The following RAB33A variants were observed in gnomAD, a reference collection of about 807,000 sequenced individuals.
The protein encoded by RAB33A is RAB33A, member RAS oncogene family, also known as ras-related protein Rab-33A.
Under a neutral mutation model 12.0 loss-of-function variants are expected in RAB33A, and 6 were observed. The observed-to-expected ratio is 0.50, with a 90% CI of 0.27 to 0.99. The LOEUF (loss-of-function observed/expected upper bound fraction) is 0.99, where lower values mean the gene tolerates loss of function less well. RAB33A is among the 50% of genes least tolerant of loss of function. The probability of loss-of-function intolerance (pLI) is 0.11; values close to 1 mark genes in which losing one functional copy is unlikely to be tolerated. For missense variants in RAB33A, 109 were observed against 192.0 expected, an observed-to-expected ratio of 0.57 and a Z score of 2.55; for synonymous variants, 70 against 82.4, an observed-to-expected ratio of 0.85 and a Z score of 0.81.
At chrX:130,112,206 C>CA in the RAB33A span, among the ~76,000 whole-genome samples, 1 of 112,106 alleles carries the variant, frequency 8.9e-6, no homozygotes, top group Non-Finnish European at 1.9e-5. Flanking sequence ...CCTGGATACT[C>CA]AGAATCAAGT....
At chrX:130,150,977 C>CAAAAAAAAAAAAAAAAAAA in the RAB33A span, among the ~76,000 whole-genome samples, 7 of 27,799 alleles carry the variant, frequency 2.5e-4, no homozygotes, top group African/African-American at 8.9e-4. Context: ...GACTCTGTCT[C>CAAAAAAAAAAAAAAAAAAA]AAAAAAAAAA....
chrX:130,172,342 A>T lies in RAB33A; in HGVS notation c.258+22A>T, dbSNP rs891366345. 3.4e-6 allele frequency: 4 copies of T among 1,181,013 alleles called. No homozygotes were observed. The African/African-American group carries it at 7.1e-5, about 21-fold the overall frequency. On this transcript the variant is annotated intron_variant, in intron 1 of 1. Transcript: ENST00000257017. The stretch of plus-strand genomic sequence containing the variant: ...CAAGGTGATCCAGGGGGTCAGGTCC[A>T]GGAAGGGTGGGACCCGGGAGGGGAC...
chrX:130,138,413 C>T, the RAB33A span, among the ~76,000 whole-genome samples: 7 of 108,926 alleles, frequency 6.4e-5, no homozygotes, highest in South Asian at 3.9e-4. Flanking sequence ...TGCAGTGAGC[C>T]GAGATCGCGC....
chrX:130,127,853 C>T, the RAB33A span, among the ~76,000 whole-genome samples: 2 of 109,092 alleles, frequency 1.8e-5, no homozygotes, highest in African/African-American at 6.7e-5. Context: ...CCATGCCTGG[C>T]GAATTTTTGT....
the RAB33A span, among the ~76,000 whole-genome samples, chrX:130,111,343 C>G: frequency 8.9e-6 from 1 of 112,790 alleles, no homozygotes; most frequent in Non-Finnish European, 1.9e-5. Context: ...GGGAAGGTTT[C>G]GTCCAGCCCC....
the RAB33A span, among the ~76,000 whole-genome samples, chrX:130,151,694 G>T: frequency 1.8e-5 from 2 of 112,130 alleles, no homozygotes; most frequent in Non-Finnish European, 3.8e-5. Context: ...CTTGGTATCA[G>T]ATACTATACA....
the RAB33A span, among the ~76,000 whole-genome samples, chrX:130,154,141 G>A: frequency 2.7e-5 from 3 of 112,103 alleles, no homozygotes; most frequent in African/African-American, 9.7e-5. Flanking sequence ...TTTATAATAC[G>A]GTAGCTTTAT....
At chrX:130,111,004 C>A in the RAB33A span, among the ~76,000 whole-genome samples, 3 of 6,615 alleles carry the variant, frequency 4.5e-4, no homozygotes, top group East Asian at 0.016. Flanking sequence ...TGCGGGCGGG[C>A]GGGGTGGGGG....
chrX:130,161,361 A>C, the RAB33A span, among the ~76,000 whole-genome samples: 8 of 108,691 alleles, frequency 7.4e-5, no homozygotes, highest in Non-Finnish European at 1.3e-4. Context: ...AAATACAAAA[A>C]TTAGCTGGGC....
the RAB33A span, among the ~76,000 whole-genome samples, chrX:130,146,553 A>C: frequency 9.1e-6 from 1 of 109,644 alleles, no homozygotes; most frequent in Non-Finnish European, 1.9e-5. Context: ...ATCCTGTTTG[A>C]AAATGGAACT....
intron 1 of RAB33A, among the ~76,000 whole-genome samples, chrX:130,182,181 TACACATATATATAAC>T (rs2031737082): frequency 2.6e-5 from 2 of 77,491 alleles, no homozygotes; most frequent in Non-Finnish European, 2.3e-5. Context: ...TATATATATA[TACACATATATATAAC>T]ATATATACAC....
intron 1 of RAB33A, among the ~76,000 whole-genome samples, chrX:130,175,492 CTTT>C (rs5903795): frequency 2.6e-5 from 2 of 75,583 alleles, no homozygotes; most frequent in Non-Finnish European, 4.8e-5. Flanking sequence ...ACTGGGTTTA[CTTT>C]TTTTTTTTTT....
At chrX:130,176,808 C>T (rs2031668843) in intron 1 of RAB33A, among the ~76,000 whole-genome samples, 1 of 111,899 alleles carries the variant, frequency 8.9e-6, no homozygotes, top group Non-Finnish European at 1.9e-5. Flanking sequence ...TAGTTGAAAA[C>T]AGGTTTCTTT....
the RAB33A span, among the ~76,000 whole-genome samples, chrX:130,127,691 C>CTTTTTTTTTTTTTTTTT: frequency 1.3e-5 from 1 of 77,040 alleles, no homozygotes. Context: ...ATGAGTTTTC[C>CTTTTTTTTTTTTTTTTT]TTTTTTTTTT....
the RAB33A span, among the ~76,000 whole-genome samples, chrX:130,136,911 A>G: frequency 9.0e-6 from 1 of 111,433 alleles, no homozygotes; most frequent in Non-Finnish European, 1.9e-5. Flanking sequence ...AATTTGGGGC[A>G]TCTGATTCAG....
the RAB33A span, among the ~76,000 whole-genome samples, chrX:130,117,087 T>G: frequency 1.3e-4 from 15 of 111,345 alleles, no homozygotes; most frequent in South Asian, 7.5e-4. Flanking sequence ...GGTGGCGGGC[T>G]CCTGTAGTCC....
At chrX:130,150,977 C>CAAA in the RAB33A span, among the ~76,000 whole-genome samples, 10 of 27,811 alleles carry the variant, frequency 3.6e-4, no homozygotes, top group Admixed American at 5.4e-4. Context: ...GACTCTGTCT[C>CAAA]AAAAAAAAAA....
the RAB33A span, chrX:130,131,836 G>A: frequency 8.3e-7 from 1 of 1,204,457 alleles, no homozygotes; most frequent in Non-Finnish European, 1.1e-6. Flanking sequence ...TCAAGGGACT[G>A]TAAGGAATGA....
the RAB33A span, chrX:130,131,911 G>T: frequency 1.0e-6 from 1 of 990,297 alleles, no homozygotes; most frequent in Non-Finnish European, 1.4e-6. Flanking sequence ...TTCACTCGTT[G>T]CCCAGGCTGG....
Sources: gnomAD v4.1 joint callset for allele counts (sites outside exome capture counted in the v4.1 genomes callset) on GRCh38, gnomAD v4.1.1 for gene constraint, MANE v1.5 for transcripts, NCBI Gene and HGNC (gene_info 2026-07-23, HGNC 2026-07-21) for gene names.